The following NEK1 variants were observed in gnomAD, a reference collection of about 807,000 sequenced individuals.
NEK1 encodes the protein NIMA related kinase 1.
In NEK1, 137 loss-of-function variants were observed where a neutral mutation model predicts 182.1. The observed-to-expected ratio is 0.75, with a 90% confidence interval of 0.65 to 0.87. The LOEUF (loss-of-function observed/expected upper bound fraction) is 0.87, where lower values mean the gene tolerates loss of function less well. Among genes scored for constraint, NEK1 ranks in the 40% least tolerant of loss-of-function variants. NEK1 has a pLI of 0.00. For synonymous variants in NEK1, 513 were observed against 492.2 expected (o/e 1.04, Z -0.56); for missense variants, 1,391 against 1,494.4 (o/e 0.93, Z 1.14).
intron 27 of NEK1, among the ~76,000 whole-genome samples, chr4:169,458,827 C>CAAA (rs201340623): frequency 2.2e-5 from 2 of 90,378 alleles, no homozygotes; most frequent in Admixed American, 1.3e-4. Context: ...GACCCCATCT[C>CAAA]AAAAAAAAAA....
intron 35 of NEK1, among the ~76,000 whole-genome samples, chr4:169,398,514 C>G (rs1157480268): frequency 6.6e-6 from 1 of 152,140 alleles, no homozygotes; most frequent in Non-Finnish European, 1.5e-5. Context: ...CTCATGAATA[C>G]TGTGACTCAT....
chr4:169,609,180 AT>A (rs1484003339), intron 2 of NEK1, among the ~76,000 whole-genome samples: 2 of 152,192 alleles, frequency 1.3e-5, no homozygotes, highest in African/African-American at 4.8e-5. Context: ...TGTTTCATCA[AT>A]TAGAATGGCA....
At chr4:169,559,397 A>G (rs181338155) in intron 16 of NEK1, among the ~76,000 whole-genome samples, 6 of 152,338 alleles carry the variant, frequency 3.9e-5, no homozygotes, top group African/African-American at 1.4e-4. Flanking sequence ...TCAGGAGGTA[A>G]TAAGTTCTAC....
intron 16 of NEK1, among the ~76,000 whole-genome samples, chr4:169,556,802 T>C (rs1159323898): frequency 6.6e-6 from 1 of 150,854 alleles, no homozygotes; most frequent in East Asian, 1.9e-4. Context: ...GGGAGAGATA[T>C]TGTTTAATCT....
At chr4:169,563,008 T>C (rs2149953298) in intron 12 of NEK1, among the ~76,000 whole-genome samples, 1 of 152,322 alleles carries the variant, frequency 6.6e-6, no homozygotes, top group East Asian at 1.9e-4. Context: ...ATTCTATTAA[T>C]TTTGATTCCT....
intron 18 of NEK1, among the ~76,000 whole-genome samples, chr4:169,550,666 CTGCTCCTAGGGTAAA>C (rs1179024351): frequency 6.6e-6 from 1 of 152,204 alleles, no homozygotes; most frequent in East Asian, 1.9e-4. Flanking sequence ...AACAGAACCA[CTGCTCCTAGGGTAAA>C]TGCAGAGTTA....
chr4:169,514,516 T>C (rs1474112822), intron 19 of NEK1, among the ~76,000 whole-genome samples: 3 of 152,226 alleles, frequency 2.0e-5, no homozygotes, highest in Admixed American at 6.5e-5. Flanking sequence ...AGATTTTCAA[T>C]AGTTTTTGAA....
chr4:169,577,152 ATAGCACTGTT>A, intron 11 of NEK1, 73 bp from the exon 12 acceptor site: 1 of 1,379,270 alleles, frequency 7.3e-7, no homozygotes, highest in South Asian at 1.3e-5. Flanking sequence ...ATTCTTCAAG[ATAGCACTGTT>A]TAATTTTCAT....
At position 169,556,411 on chromosome 4, in the gene NEK1, A is replaced by G. The variant is rs74593341; in HGVS notation, c.1267-316T>C. Among the ~76,000 whole-genome samples, 10,852 of 152,178 alleles carry G rather than the reference A, an allele frequency of 0.071. 1,266 individuals carry two copies. The highest frequency in any genetic ancestry group is 0.25 in the African/African-American group (10,185 of 41,466). On this transcript the variant is annotated intron_variant, in intron 16 of 35. Transcript: ENST00000507142. ...GTTTTGAAACAAGCTTCCAATATAC[A>G]TTTCATGTAATTCTGTTCCGTTGTT...
At chr4:169,447,604 C>T (rs1351506493) in intron 27 of NEK1, among the ~76,000 whole-genome samples, 4 of 152,038 alleles carry the variant, frequency 2.6e-5, no homozygotes, top group African/African-American at 4.8e-5. Context: ...AAATTATTCA[C>T]GCCTGTAATC....
At chr4:169,435,449 AAGAT>A (rs1452797201) in intron 28 of NEK1, among the ~76,000 whole-genome samples, 11 of 152,180 alleles carry the variant, frequency 7.2e-5, no homozygotes, top group African/African-American at 2.7e-4. Flanking sequence ...TCTAATGAAT[AAGAT>A]TATTTAAGTT....
At chr4:169,460,818 A>G (rs141706300) in intron 27 of NEK1, among the ~76,000 whole-genome samples, 1 of 152,156 alleles carries the variant, frequency 6.6e-6, no homozygotes. Context: ...AGGAAAAAAA[A>G]GTAAGCCAAG....
At chr4:169,537,026 C>T (rs151119041) in intron 19 of NEK1, among the ~76,000 whole-genome samples, 8 of 152,252 alleles carry the variant, frequency 5.3e-5, no homozygotes, top group Admixed American at 1.3e-4. Context: ...ATACCACTTA[C>T]GAACTTACAA....
intron 27 of NEK1, among the ~76,000 whole-genome samples, chr4:169,456,598 T>C (rs538890671): frequency 2.4e-4 from 37 of 152,288 alleles, no homozygotes; most frequent in Non-Finnish European, 4.1e-4. Flanking sequence ...TTTCAATAGA[T>C]TGGAAAACTT....
chr4:169,477,240 T>C lies in NEK1; in HGVS notation c.2318A>G (p.Lys773Arg). 3.1e-6 allele frequency: 5 copies of C among 1,603,292 alleles called. No homozygotes were observed. The highest frequency in any genetic ancestry group is 4.3e-6 in the Non-Finnish European group (5 of 1,173,844). The change falls in exon 26 of 36, where the codon AAA (lysine) becomes AGA (arginine). Residue 773 changes from lysine to arginine, a missense_variant. Physicochemically the swap from Lys to Arg is conservative, Grantham distance 26. This residue lies in a region of NEK1 where 1,216 missense variants were observed against 1,277.6 expected (regional missense o/e 0.95). Transcript: ENST00000507142. ...AACTGATTTTTCTTTTTCATGCTCT[T>C]TGGCATCTTCATGAACATTTATCTC... ...TFEINVHEDA[K>R]EHEKEKSVSS...
Position 169,507,695 on chromosome 4 carries a change from G to C in NEK1, c.1911+20C>G. The C allele has an allele frequency of 6.3e-7, 1 of 1,580,868 alleles. No individual in the cohort carries two copies. The highest frequency in any genetic ancestry group is 8.7e-7 in the Non-Finnish European group (1 of 1,154,902). On this transcript the variant is annotated intron_variant, in intron 22 of 35. Transcript: ENST00000507142. ...CTTTCAATTTTCTCTAAGAAAACCT[G>C]TATCATTTCTAGTCTATACCTTCAG... is the stretch of plus-strand genomic sequence containing the variant.
Position 169,401,744 on chromosome 4 carries a change from C to T in NEK1, c.3491G>A (p.Ser1164Asn). 1 of 1,613,970 alleles carries T rather than the reference C, an allele frequency of 6.2e-7. No homozygotes were observed. The highest frequency in any genetic ancestry group is 8.5e-7 in the Non-Finnish European group (1 of 1,179,852). The change falls in exon 33 of 36, where the codon AGT becomes AAT. Residue 1164 changes from serine to asparagine, a missense_variant. Physicochemically the swap from Ser to Asn is conservative, Grantham distance 46 (BLOSUM62 1). This residue lies in a region of NEK1 where 1,216 missense variants were observed against 1,277.6 expected (regional missense o/e 0.95). Transcript: ENST00000507142. Reference protein sequence around the residue: ...SEEEESVLKNSDVEPTANGTD... With the variant: ...SEEEESVLKNNDVEPTANGTD... ...CCCATTTGCAGTTGGCTCCACATCA[C>T]TGTTCTTCAAGACTGACTCTTCTTC...
intron 19 of NEK1, among the ~76,000 whole-genome samples, chr4:169,523,272 A>T (rs529779587): frequency 1.8e-4 from 28 of 152,340 alleles, no homozygotes; most frequent in African/African-American, 6.3e-4. Flanking sequence ...ATAAATTCAT[A>T]TGTTGAAGTC....
chr4:169,415,628 T>C (rs914147733), intron 31 of NEK1, among the ~76,000 whole-genome samples: 1 of 152,182 alleles, frequency 6.6e-6, no homozygotes, highest in Non-Finnish European at 1.5e-5. Context: ...AAGCAGGGTA[T>C]AAACAAATAT....
Sources: gnomAD v4.1 joint callset for allele counts (sites outside exome capture counted in the v4.1 genomes callset) on GRCh38, gnomAD v4.1.1 for gene constraint, gnomAD v4.1.1 regional missense constraint, MANE v1.5 for transcripts, NCBI Gene and HGNC (gene_info 2026-07-23, HGNC 2026-07-21) for gene names.